Variants in CSMD1 observed in about 807,000 individuals in gnomAD.
The protein encoded by CSMD1 is CUB and Sushi multiple domains 1.
CSMD1 carries 213 observed loss-of-function variants against 417.5 expected under a neutral mutation model. The ratio of observed to expected loss-of-function variants is 0.51; its 90% CI spans 0.46 to 0.57. CSMD1 has a LOEUF of 0.57. Among genes scored for constraint, CSMD1 ranks in the 20% least tolerant of loss-of-function variants. The probability of loss-of-function intolerance (pLI) is 0.00; values close to 1 mark genes in which losing one functional copy is unlikely to be tolerated. For synonymous variants in CSMD1, 2,862 were observed against 1,736.8 expected, an observed-to-expected ratio of 1.65 and a Z score of -16.11; for missense variants, 6,923 against 4,529.7, an observed-to-expected ratio of 1.53 and a Z score of -15.17.
chr8:4,448,802 CAG>C (rs1563185759), intron 2 of CSMD1, among the ~76,000 whole-genome samples: 1 of 152,150 alleles, frequency 6.6e-6, no homozygotes. Context: ...CAGAAGGAGA[CAG>C]AAACCTAATT....
At chr8:3,633,666 T>C (rs10046743) in intron 7 of CSMD1, among the ~76,000 whole-genome samples, 127 of 152,344 alleles carry the variant, frequency 8.3e-4, no homozygotes, top group Non-Finnish European at 1.5e-3. Context: ...TCTTAAGACA[T>C]GAAAATAGTG....
intron 3 of CSMD1, among the ~76,000 whole-genome samples, chr8:4,040,250 A>T (rs1797817648): frequency 6.6e-6 from 1 of 152,252 alleles, no homozygotes; most frequent in South Asian, 2.1e-4. Context: ...TTTCTGCCTT[A>T]TCATAATAAC....
At chr8:4,224,352 G>A (rs1801219209) in intron 3 of CSMD1, among the ~76,000 whole-genome samples, 1 of 152,144 alleles carries the variant, frequency 6.6e-6, no homozygotes, top group Non-Finnish European at 1.5e-5. Context: ...TTAGGTACAT[G>A]TACGATGTTG....
At chr8:4,383,241 T>G (rs1489594168) in intron 3 of CSMD1, among the ~76,000 whole-genome samples, 1 of 152,218 alleles carries the variant, frequency 6.6e-6, no homozygotes, top group African/African-American at 2.4e-5. Flanking sequence ...GGAAGTAGAT[T>G]CTGAGCAGCA....
intron 1 of CSMD1, among the ~76,000 whole-genome samples, chr8:4,665,393 G>A (rs1353010437): frequency 1.3e-5 from 2 of 152,140 alleles, no homozygotes; most frequent in African/African-American, 2.4e-5. Flanking sequence ...GGGTCCATGA[G>A]TCGTGAAAGT....
At chr8:3,283,355 G>GTT (rs1802883792) in intron 26 of CSMD1, among the ~76,000 whole-genome samples, 1 of 152,038 alleles carries the variant, frequency 6.6e-6, no homozygotes, top group Non-Finnish European at 1.5e-5. Context: ...CTGAAGATAG[G>GTT]CTCTACATTT....
At chr8:4,011,371 C>T (rs1816520396) in intron 4 of CSMD1, among the ~76,000 whole-genome samples, 1 of 152,194 alleles carries the variant, frequency 6.6e-6, no homozygotes, top group Non-Finnish European at 1.5e-5. Context: ...TCTTTTGATT[C>T]CATGTCTGCT....
chr8:4,213,701 CG>C (rs1327496739), intron 3 of CSMD1, among the ~76,000 whole-genome samples: 2 of 152,134 alleles, frequency 1.3e-5, no homozygotes, highest in Non-Finnish European at 2.9e-5. Context: ...GGTGGGAAGC[CG>C]TGGGCTCCTG....
chr8:3,604,029 GT>G (rs1302622804), intron 8 of CSMD1, among the ~76,000 whole-genome samples: 5 of 152,300 alleles, frequency 3.3e-5, no homozygotes, highest in Non-Finnish European at 7.3e-5. Flanking sequence ...ACCTGTAAAT[GT>G]AAATGCATTC....
chr8:4,530,801 C>T (rs1451703397), intron 2 of CSMD1, among the ~76,000 whole-genome samples: 1 of 151,436 alleles, frequency 6.6e-6, no homozygotes, highest in African/African-American at 2.4e-5. Flanking sequence ...AATCCCATAG[C>T]CAAAGGATTA....
chr8:4,040,203 T>C (rs1258705851), intron 3 of CSMD1, among the ~76,000 whole-genome samples: 1 of 152,218 alleles, frequency 6.6e-6, no homozygotes, highest in Non-Finnish European at 1.5e-5. Context: ...AAGGACATCG[T>C]AGTTTTTCAT....
chr8:4,389,176 T>C (rs1171653507), intron 3 of CSMD1, among the ~76,000 whole-genome samples: 1 of 152,200 alleles, frequency 6.6e-6, no homozygotes, highest in African/African-American at 2.4e-5. Context: ...CAAAATAACA[T>C]CAACTGGCCT....
At chr8:3,913,976 C>A (rs1808633214) in intron 5 of CSMD1, among the ~76,000 whole-genome samples, 1 of 152,000 alleles carries the variant, frequency 6.6e-6, no homozygotes, top group East Asian at 1.9e-4. Context: ...AGTACTTTAG[C>A]CAATATTTAA....
chr8:4,288,031 T>C (rs1003041263), intron 3 of CSMD1, among the ~76,000 whole-genome samples: 4 of 152,206 alleles, frequency 2.6e-5, no homozygotes, highest in Admixed American at 2.6e-4. Flanking sequence ...GCTGCAACCA[T>C]CAAAAGACAG....
intron 1 of CSMD1, among the ~76,000 whole-genome samples, chr8:4,930,333 G>A (rs540577047): frequency 1.6e-4 from 25 of 152,106 alleles, no homozygotes; most frequent in Non-Finnish European, 3.7e-4. Flanking sequence ...TCTGAACACT[G>A]TAATAATGTA....
At position 3,406,247 on chromosome 8, in the gene CSMD1, G is replaced by A. The variant is rs528096432; in HGVS notation, c.2072-26C>T. 5.7e-5 allele frequency: 87 copies of A among 1,535,800 alleles called. 2 individuals carry two copies. The Admixed American group carries it at 1.2e-3, about 22-fold the overall frequency. Reference sequence around the variant, plus strand: ...CTGAAAGAAAAAGAAGAAGAAAAAAGGAATAAAAATACTTGAGTATTAATT... The same window carrying A: ...CTGAAAGAAAAAGAAGAAGAAAAAAAGAATAAAAATACTTGAGTATTAATT... On this transcript the variant is annotated intron_variant, in intron 14 of 69. Coordinates refer to ENST00000635120, the MANE Select transcript of CSMD1 (RefSeq NM_033225.6).
At chr8:4,881,451 C>CTATCTATCTATG (rs1554509748) in intron 1 of CSMD1, among the ~76,000 whole-genome samples, 5 of 48,526 alleles carry the variant, frequency 1.0e-4, no homozygotes, top group African/African-American at 2.1e-4. Context: ...ATCTATCTAT[C>CTATCTATCTATG]TATCTATCTA....
At chr8:3,290,792 C>A (rs977644431) in intron 25 of CSMD1, among the ~76,000 whole-genome samples, 2 of 148,192 alleles carry the variant, frequency 1.3e-5, no homozygotes, top group Admixed American at 6.6e-5. Flanking sequence ...TTGACTTCCT[C>A]TTTTCCTAAT....
At position 4,453,510 on chromosome 8, in the gene CSMD1, C is replaced by T. The variant is rs115965664; in HGVS notation, c.303-33445G>A. On this transcript the variant is annotated intron_variant, in intron 2 of 69. Coordinates refer to ENST00000635120, the MANE Select transcript of CSMD1 (RefSeq NM_033225.6). ...CAAAGCCATGCATCCTTCAGGCCTTCTTGCATCAGATTCCTGCAGAGAACA... is the reference window on the plus strand; with the variant it reads ...CAAAGCCATGCATCCTTCAGGCCTTTTTGCATCAGATTCCTGCAGAGAACA... 7.6e-3 allele frequency among the ~76,000 whole-genome samples: 1,160 copies of T among 152,334 alleles called. 15 individuals are homozygous for T. Among genetic ancestry groups the T allele is most frequent in the African/African-American group, 0.027 (1,113 of 41,574 alleles).
Sources: gnomAD v4.1 joint callset for allele counts (sites outside exome capture counted in the v4.1 genomes callset) on GRCh38, gnomAD v4.1.1 for gene constraint, MANE v1.5 for transcripts, NCBI Gene and HGNC (gene_info 2026-07-23, HGNC 2026-07-21) for gene names.